The following NECTIN3 variants were observed in gnomAD, a reference collection of about 807,000 sequenced individuals.
NECTIN3 encodes the protein nectin cell adhesion molecule 3.
A neutral mutation model predicts 49.4 loss-of-function variants in NECTIN3; 8 were observed. The ratio of observed to expected loss-of-function variants is 0.16; its 90% CI spans 0.10 to 0.29. The LOEUF (loss-of-function observed/expected upper bound fraction) is 0.29, where lower values mean the gene tolerates loss of function less well. Ranked by LOEUF, NECTIN3 falls within the 10% of genes least tolerant of loss-of-function variation. The pLI is 1.00. For missense variants in NECTIN3, 581 were observed against 654.6 expected, an observed-to-expected ratio of 0.89 and a Z score of 1.23; for synonymous variants, 277 against 241.1, an observed-to-expected ratio of 1.15 and a Z score of -1.38.
exon 6 of NECTIN3, chr3:111,144,916 A>T: frequency 6.5e-7 from 1 of 1,535,842 alleles, no homozygotes; most frequent in Non-Finnish European, 8.7e-7. Context: ...ATTTAAGCAG[A>T]CCTCTTCCAT....
At chr3:111,157,215 G>A (rs186430593) in intron 7 of NECTIN3, among the ~76,000 whole-genome samples, 9 of 152,160 alleles carry the variant, frequency 5.9e-5, no homozygotes, top group South Asian at 2.1e-4. Context: ...TTTTCAAAAC[G>A]CATTAGGCCT....
At chr3:111,140,744 G>A (rs2034721630), downstream of NECTIN3, among the ~76,000 whole-genome samples, 1 of 151,744 alleles carries the variant, frequency 6.6e-6, no homozygotes, top group South Asian at 2.1e-4. Context: ...GAACAACCAA[G>A]TGAAGGGCTG....
chr3:111,171,801 A>G (rs763559477), intron 7 of NECTIN3, among the ~76,000 whole-genome samples: 13 of 152,172 alleles, frequency 8.5e-5, no homozygotes, highest in Non-Finnish European at 1.6e-4. Flanking sequence ...TAAAGTTCAC[A>G]TATTTTCTTC....
chr3:111,139,872 T>C (rs1271065721), downstream of NECTIN3, among the ~76,000 whole-genome samples: 1 of 151,766 alleles, frequency 6.6e-6, no homozygotes, highest in Non-Finnish European at 1.5e-5. Flanking sequence ...TCTGATAATA[T>C]ATTTAACATG....
At chr3:111,072,401 C>T (rs765603389) in intron 1 of NECTIN3, 16 of 1,517,422 alleles carry the variant, frequency 1.1e-5, no homozygotes, top group Middle Eastern at 1.7e-4. Context: ...CCCCCGCGGC[C>T]GCGCGGGTCG....
chr3:111,085,570 G>A (rs936955254), intron 1 of NECTIN3, among the ~76,000 whole-genome samples: 2 of 152,144 alleles, frequency 1.3e-5, no homozygotes, highest in African/African-American at 4.8e-5. Context: ...ATACTCCTCA[G>A]TCACAAATCC....
At chr3:111,086,652 T>TC (rs1242994157) in intron 1 of NECTIN3, among the ~76,000 whole-genome samples, 1 of 152,208 alleles carries the variant, frequency 6.6e-6, no homozygotes, top group Non-Finnish European at 1.5e-5. Context: ...TTATAATAGA[T>TC]CCTCATATTG....
At chr3:111,115,576 CACAGTAA>C (rs1374804575) in intron 2 of NECTIN3, among the ~76,000 whole-genome samples, 2 of 152,178 alleles carry the variant, frequency 1.3e-5, no homozygotes, top group Admixed American at 6.5e-5. Context: ...GACTTATGTA[CACAGTAA>C]AGTTTGAGAA....
At chr3:111,104,966 ATGT>A (rs1168417328) in intron 1 of NECTIN3, among the ~76,000 whole-genome samples, 2 of 152,176 alleles carry the variant, frequency 1.3e-5, no homozygotes, top group Admixed American at 6.5e-5. Flanking sequence ...TGTGTTAATA[ATGT>A]TGTGTCTTCT....
chr3:111,080,877 T>C (rs1178128695), intron 1 of NECTIN3, among the ~76,000 whole-genome samples: 1 of 152,148 alleles, frequency 6.6e-6, no homozygotes, highest in Non-Finnish European at 1.5e-5. Flanking sequence ...CCAAGTGATA[T>C]GATATAGTTT....
At chr3:111,131,531 G>A (rs1419473382) in intron 5 of NECTIN3, among the ~76,000 whole-genome samples, 2 of 151,916 alleles carry the variant, frequency 1.3e-5, no homozygotes, top group East Asian at 3.8e-4. Context: ...TTACTAGTGA[G>A]GCTCAGTTAT....
At chr3:111,101,745 T>A (rs1350024073) in intron 1 of NECTIN3, among the ~76,000 whole-genome samples, 2 of 152,198 alleles carry the variant, frequency 1.3e-5, no homozygotes, top group Admixed American at 6.5e-5. Context: ...TAGCCACATG[T>A]GGCTAGTGAC....
At chr3:111,166,987 ACC>A (rs2035330913) in intron 7 of NECTIN3, among the ~76,000 whole-genome samples, 1 of 152,144 alleles carries the variant, frequency 6.6e-6, no homozygotes, top group Non-Finnish European at 1.5e-5. Context: ...TAGGTGATTC[ACC>A]CATTTGAGCT....
Position 111,135,674 on chromosome 3 carries a change from G to A in NECTIN3, c.*1459G>A. ...ATTATTTTGTTAATAAAAAGGCAAA[G>A]TAGTAGGTACTTTTTAAACCCTCCC... is the stretch of plus-strand genomic sequence containing the variant. On this transcript the variant is annotated 3_prime_UTR_variant, in exon 6 of 6. Transcript: ENST00000485303. The A allele has an allele frequency of 1.0e-6, 1 of 960,484 alleles. No homozygotes were observed. Among genetic ancestry groups the A allele is most frequent in the Non-Finnish European group, 1.2e-6 (1 of 807,418 alleles). 59.5% of individuals were successfully genotyped at this position (960,484 alleles called of 1,614,324 possible). A position where few individuals can be genotyped will look rare whatever the true frequency, so the allele number is the denominator to read the frequency against.
intron 1 of NECTIN3, among the ~76,000 whole-genome samples, chr3:111,088,006 C>T (rs2032034994): frequency 6.6e-6 from 1 of 151,970 alleles, no homozygotes; most frequent in Non-Finnish European, 1.5e-5. Context: ...CAGAAGAAGC[C>T]TTTTTCTCAG....
At chr3:111,175,777 C>G (rs2035516495) in intron 7 of NECTIN3, among the ~76,000 whole-genome samples, 1 of 152,134 alleles carries the variant, frequency 6.6e-6, no homozygotes, top group Non-Finnish European at 1.5e-5. Flanking sequence ...CTGATGGCTC[C>G]CAAGGAGGTC....
Position 111,134,622 on chromosome 3 carries a change from A to G in NECTIN3, c.*407A>G. ...ATGTTTGTTTAACATATACCTCTCA[A>G]AATTTATCACCACTCAATGACACTG... On this transcript the variant is annotated 3_prime_UTR_variant, in exon 6 of 6. Coordinates refer to ENST00000485303, the MANE Select transcript of NECTIN3 (RefSeq NM_015480.3). 2.2e-6 allele frequency: 2 copies of G among 902,158 alleles called. 1 individual carries two copies. Among genetic ancestry groups the G allele is most frequent in the South Asian group, 1.0e-4 (2 of 19,530 alleles). 55.9% of individuals were successfully genotyped at this position (902,158 alleles called of 1,614,324 possible).
intron 4 of NECTIN3, among the ~76,000 whole-genome samples, chr3:111,124,151 A>G (rs1163722454): frequency 6.6e-6 from 1 of 152,134 alleles, no homozygotes; most frequent in Non-Finnish European, 1.5e-5. Flanking sequence ...TTAAATGGGA[A>G]GCAGTCATTA....
chr3:111,127,209 T>C (rs908034742), intron 5 of NECTIN3, among the ~76,000 whole-genome samples: 1 of 152,198 alleles, frequency 6.6e-6, no homozygotes, highest in Non-Finnish European at 1.5e-5. Flanking sequence ...TGTTCAGATC[T>C]AAAACTAGAT....
Sources: allele counts gnomAD v4.1 joint callset (sites outside exome capture counted in the v4.1 genomes callset), GRCh38; gene constraint gnomAD v4.1.1; transcripts MANE v1.5; gene names NCBI Gene and HGNC (gene_info 2026-07-23, HGNC 2026-07-21).